CRISP2: variants seen among roughly 807,000 people sequenced by gnomAD.
The protein encoded by CRISP2 is cysteine-rich secretory protein 2.
In CRISP2, 29 loss-of-function variants were observed where a neutral mutation model predicts 31.7. That is an observed-to-expected ratio of 0.92 (90% CI 0.68 to 1.25). The LOEUF (loss-of-function observed/expected upper bound fraction) is 1.25. CRISP2 is among the 50% of genes most tolerant of loss of function. The pLI is 0.00. For missense variants in CRISP2, 318 were observed against 286.5 expected (o/e 1.11, Z -0.79); for synonymous variants, 111 against 101.4 (o/e 1.09, Z -0.57).
intron 4 of CRISP2, among the ~76,000 whole-genome samples, chr6:49,706,116 T>A (rs1022893463): frequency 4.6e-5 from 7 of 152,214 alleles, no homozygotes; most frequent in African/African-American, 1.7e-4. Flanking sequence ...TGAATAATAA[T>A]ATTTTATAAC....
upstream of CRISP2, among the ~76,000 whole-genome samples, chr6:49,713,775 T>C (rs1768435001): frequency 6.6e-6 from 1 of 152,204 alleles, no homozygotes; most frequent in Non-Finnish European, 1.5e-5. Flanking sequence ...TTCGCATACC[T>C]GCGCCGTACT....
the CRISP2 span, among the ~76,000 whole-genome samples, chr6:49,678,795 G>T: frequency 6.6e-6 from 1 of 152,058 alleles, no homozygotes; most frequent in Non-Finnish European, 1.5e-5. Flanking sequence ...TCTTTCACCT[G>T]AAAAAGAGGT....
the CRISP2 span, among the ~76,000 whole-genome samples, chr6:49,686,326 C>T: frequency 1.5e-3 from 230 of 152,172 alleles, no homozygotes; most frequent in African/African-American, 5.2e-3. Context: ...AATAATCTTG[C>T]ACATATGTAT....
chr6:49,684,459 T>C, the CRISP2 span, among the ~76,000 whole-genome samples: 24 of 152,306 alleles, frequency 1.6e-4, no homozygotes, highest in South Asian at 8.3e-4. Context: ...GTTGAATCCA[T>C]GGACGTAGAA....
chr6:49,709,163 C>A lies in CRISP2; in HGVS notation c.34G>T (p.Val12Leu), dbSNP rs754870765. ...TCTGCAGGTAAAGATGGAAGCAGCA[C>A]AGTAACCAGAAACAACACCGGTAGT... ...ALLPVLFLVT[V>L]LLPSLPAEGK... The change falls in exon 4 of 10, where the codon GTG (valine) becomes TTG (leucine). Residue 12 changes from valine (V) to leucine (L), a missense_variant. By Grantham distance (32) the Val-to-Leu change is conservative (BLOSUM62 1). Coordinates refer to ENST00000339139, the MANE Select transcript of CRISP2 (RefSeq NM_003296.4). 4 of 1,613,612 alleles carry A rather than the reference C, an allele frequency of 2.5e-6. No homozygotes were observed. In the African/African-American group the frequency reaches 5.3e-5, roughly 22 times the overall value.
intron 1 of CRISP2, 93 bp from the exon 2 acceptor site, chr6:49,712,697 C>T (rs1056475748): frequency 6.6e-6 from 1 of 152,142 alleles, no homozygotes; most frequent in Non-Finnish European, 1.5e-5. Flanking sequence ...TAAATTTTGA[C>T]TCAATTGTTT....
chr6:49,700,919 A>G (rs563069055), intron 4 of CRISP2, 135 bp from the exon 5 acceptor site: 47 of 526,658 alleles, frequency 8.9e-5, no homozygotes, highest in South Asian at 6.3e-4. Flanking sequence ...ATTAAATACT[A>G]AAGTTATTTA....
intron 4 of CRISP2, among the ~76,000 whole-genome samples, chr6:49,708,853 C>A (rs1236222468): frequency 1.3e-5 from 2 of 152,174 alleles, no homozygotes; most frequent in African/African-American, 4.8e-5. Flanking sequence ...TGTTTGAAAT[C>A]TAGTGAGTTT....
chr6:49,683,184 A>C, the CRISP2 span, among the ~76,000 whole-genome samples: 2 of 150,820 alleles, frequency 1.3e-5, no homozygotes, highest in Admixed American at 1.3e-4. Context: ...ATAAATAAAT[A>C]AATAAATAAA....
chr6:49,690,875 T>G (rs572755276), downstream of CRISP2, among the ~76,000 whole-genome samples: 1 of 151,946 alleles, frequency 6.6e-6, no homozygotes, highest in Middle Eastern at 3.4e-3. Flanking sequence ...CTAAAACAAC[T>G]GTTCAGTTTA....
chr6:49,676,810 G>T, the CRISP2 span, among the ~76,000 whole-genome samples: 1 of 152,100 alleles, frequency 6.6e-6, no homozygotes, highest in East Asian at 1.9e-4. Flanking sequence ...AGGGTAAGGG[G>T]GATGTAATCA....
chr6:49,682,635 C>A, the CRISP2 span, among the ~76,000 whole-genome samples: 1 of 73,390 alleles, frequency 1.4e-5, no homozygotes, highest in Non-Finnish European at 2.4e-5. Context: ...TTCTTTCTTT[C>A]TTTCTTTCTT....
chr6:49,687,402 T>C (rs554078171), downstream of CRISP2, among the ~76,000 whole-genome samples: 2 of 152,352 alleles, frequency 1.3e-5, no homozygotes, highest in Admixed American at 1.3e-4. Context: ...AATTTCTTTT[T>C]CTTACATCAC....
chr6:49,685,127 C>G, the CRISP2 span, among the ~76,000 whole-genome samples: 1 of 152,166 alleles, frequency 6.6e-6, no homozygotes, highest in South Asian at 2.1e-4. Context: ...GCCCCCACTG[C>G]CTTTGCCACT....
At chr6:49,703,153 C>G (rs1013030940) in intron 4 of CRISP2, among the ~76,000 whole-genome samples, 1 of 151,396 alleles carries the variant, frequency 6.6e-6, no homozygotes, top group Non-Finnish European at 1.5e-5. Context: ...TTTCTGAGTT[C>G]TCTATTCTGT....
chr6:49,702,023 T>G (rs1179844381), intron 4 of CRISP2, among the ~76,000 whole-genome samples: 1 of 107,050 alleles, frequency 9.3e-6, no homozygotes, highest in African/African-American at 3.7e-5. Flanking sequence ...ATGTATACAT[T>G]ATATATGTAT....
intron 4 of CRISP2, among the ~76,000 whole-genome samples, chr6:49,701,500 G>GTGTATATA (rs1439390033): frequency 6.4e-5 from 3 of 46,556 alleles, no homozygotes; most frequent in African/African-American, 3.1e-4. Context: ...GTGTGTGTGT[G>GTGTATATA]TATATATATA....
rs527832502 is a variant in CRISP2 at position 49,694,185 on chromosome 6, G to A, written c.605-1285C>T. The stretch of plus-strand genomic sequence containing the variant: ...CCAGGTTTGCTGCAAACTTGGTTAC[G>A]AGAAGGGTGACATGGACAATTCCCT... On this transcript the variant is annotated intron_variant, in intron 9 of 9. Transcript: ENST00000339139. Among the ~76,000 whole-genome samples, 35 of 152,258 alleles carry A rather than the reference G, an allele frequency of 2.3e-4. No individual in the cohort carries two copies. The South Asian group carries it at 5.2e-3, about 23-fold the overall frequency.
intron 9 of CRISP2, among the ~76,000 whole-genome samples, chr6:49,694,113 AG>A (rs1764345371): frequency 6.6e-6 from 1 of 152,216 alleles, no homozygotes; most frequent in African/African-American, 2.4e-5. Flanking sequence ...GGAGCGAATA[AG>A]TCTCCTAAGA....
Sources: gnomAD v4.1 joint callset for allele counts (sites outside exome capture counted in the v4.1 genomes callset) on GRCh38, gnomAD v4.1.1 for gene constraint, MANE v1.5 for transcripts, NCBI Gene and HGNC (gene_info 2026-07-23, HGNC 2026-07-21) for gene names.